SMYD1: variants seen among roughly 807,000 people sequenced by gnomAD.
SMYD1 encodes the protein histone-lysine N-methyltransferase SMYD1.
SMYD1 carries 49 observed loss-of-function variants against 54.0 expected under a neutral mutation model. The ratio of observed to expected loss-of-function variants is 0.91; its 90% CI spans 0.72 to 1.15. The LOEUF (loss-of-function observed/expected upper bound fraction) is 1.15. SMYD1 is among the 50% of genes most tolerant of loss of function. SMYD1 has a pLI of 0.00. For missense variants in SMYD1, 653 were observed against 639.6 expected (o/e 1.02, Z -0.23); for synonymous variants, 269 against 234.2 (o/e 1.15, Z -1.36).
chr2:88,110,464 C>G lies in SMYD1; in HGVS notation c.1425C>G (p.Ala475=), dbSNP rs369414263. Residue 475 remains alanine, a synonymous_variant, in exon 10 of 10, where the codon GCC becomes GCG. Transcript: ENST00000419482. ...ACAACCAGCCCATGCAGGTCATGGC[C>G]GAGCCCAGCAATGAGCCATCCCCAG... ...ALNNQPMQVM[A]EPSNEPSPAL... is the part of the protein sequence containing the mutation. 4 of 1,602,810 alleles carry G rather than the reference C, an allele frequency of 2.5e-6. No individual in the cohort carries two copies. The highest frequency in any genetic ancestry group is 3.4e-6 in the Non-Finnish European group (4 of 1,174,424).
intron 3 of SMYD1, among the ~76,000 whole-genome samples, chr2:88,089,895 G>A (rs952175748): frequency 3.9e-5 from 6 of 152,010 alleles, no homozygotes; most frequent in Non-Finnish European, 7.4e-5. Context: ...CCTGGCCTAA[G>A]CTTTTACTTT....
intron 1 of SMYD1, among the ~76,000 whole-genome samples, chr2:88,078,405 G>T (rs1039231746): frequency 1.3e-5 from 2 of 152,160 alleles, no homozygotes; most frequent in Non-Finnish European, 2.9e-5. Context: ...AGATCTAGGT[G>T]TTGCTATTCC....
intron 9 of SMYD1, 131 bp downstream of exon 9, chr2:88,108,670 G>C: frequency 1.2e-6 from 1 of 858,148 alleles, no homozygotes; most frequent in Non-Finnish European, 1.7e-6. Flanking sequence ...ACTCAGAAAC[G>C]CTTTAGCCCA....
intron 7 of SMYD1, among the ~76,000 whole-genome samples, chr2:88,103,636 C>T (rs368617290): frequency 6.6e-6 from 1 of 152,138 alleles, no homozygotes; most frequent in East Asian, 1.9e-4. Flanking sequence ...TGCTCAGGCC[C>T]CCACTCAGGA....
intron 2 of SMYD1, among the ~76,000 whole-genome samples, chr2:88,085,121 T>A (rs1445391135): frequency 6.6e-6 from 1 of 151,974 alleles, no homozygotes; most frequent in African/African-American, 2.4e-5. Flanking sequence ...AAAATTAGGA[T>A]TTCTGACTTC....
At chr2:88,110,300 C>T (rs1034525740) in intron 9 of SMYD1, 54 bp from the exon 10 acceptor site, 154 of 1,536,326 alleles carry the variant, frequency 1.0e-4, no homozygotes, top group Admixed American at 1.9e-4. Flanking sequence ...TATCAGAGAC[C>T]AGCATGTCCT....
At chr2:88,078,590 T>C (rs1674121374) in intron 1 of SMYD1, among the ~76,000 whole-genome samples, 1 of 139,624 alleles carries the variant, frequency 7.2e-6, no homozygotes, top group Non-Finnish European at 1.6e-5. Flanking sequence ...AGGGACAGGC[T>C]TAAAAAAAAT....
chr2:88,088,677 G>A (rs141608646), intron 3 of SMYD1, among the ~76,000 whole-genome samples: 3 of 152,024 alleles, frequency 2.0e-5, no homozygotes, highest in African/African-American at 7.3e-5. Flanking sequence ...TCCTCTCCAC[G>A]TTGAAAATAA....
chr2:88,077,604 C>G (rs1054456498), intron 1 of SMYD1, among the ~76,000 whole-genome samples: 6 of 152,238 alleles, frequency 3.9e-5, no homozygotes, highest in African/African-American at 1.4e-4. Context: ...GGTCACCCAG[C>G]TAAGACTGCC....
intron 7 of SMYD1, among the ~76,000 whole-genome samples, chr2:88,103,556 A>C (rs896046504): frequency 2.2e-4 from 33 of 152,150 alleles, no homozygotes; most frequent in African/African-American, 7.5e-4. Flanking sequence ...ATGAGCATTC[A>C]ACCTTGGCTC....
At position 88,110,479 on chromosome 2, in the gene SMYD1, GCC is replaced by G; in HGVS notation, c.1441_1442del (p.Pro481IlefsTer44). The G allele has an allele frequency of 6.3e-7, 1 of 1,596,278 alleles. No individual in the cohort carries two copies. Among genetic ancestry groups the G allele is most frequent in the South Asian group, 1.1e-5 (1 of 87,992 alleles). On this transcript the variant is annotated frameshift_variant, in exon 10 of 10. Transcript: ENST00000419482. LOFTEE classifies it high-confidence loss of function. ...AGGTCATGGCCGAGCCCAGCAATGA[GCC>G]ATCCCCAGCTCTGTTCCACAAGAAG... ...MQVMAEPSNE[P>X]SPALFHKKQ
rs1448515840 is a variant in SMYD1, at chr2:88,110,664, A to G, written c.*152A>G. 21 of 1,000,996 alleles carry G rather than the reference A, an allele frequency of 2.1e-5. No individual in the cohort carries two copies. The highest frequency in any genetic ancestry group is 2.9e-5 in the Non-Finnish European group (21 of 716,316). The allele number at this position is 1,000,996 out of a possible 1,614,324, so 62.0% of individuals were successfully genotyped here. ...TTACTGCCCTATGTTTCCCAGAGCC[A>G]TTTTGGCTCAATTCAAGTCTATTCA... On this transcript the variant is annotated 3_prime_UTR_variant, in exon 10 of 10. Transcript: ENST00000419482.
At chr2:88,103,388 G>A (rs1674772658) in intron 7 of SMYD1, among the ~76,000 whole-genome samples, 2 of 152,252 alleles carry the variant, frequency 1.3e-5, no homozygotes, top group South Asian at 2.1e-4. Flanking sequence ...TCTGAGGGGA[G>A]CAAATGCAGC....
chr2:88,068,125 T>G, intron 1 of SMYD1, 124 bp downstream of exon 1: 1 of 1,335,268 alleles, frequency 7.5e-7, no homozygotes, highest in Non-Finnish European at 1.0e-6. Context: ...TTCAACAAAA[T>G]GGCACTTCTG....
rs1350327935 is a variant in SMYD1, at chr2:88,096,798, T to C, written c.888+14T>C. The C allele has an allele frequency of 6.2e-7, 1 of 1,608,004 alleles. No homozygotes were observed. The highest frequency in any genetic ancestry group is 1.1e-5 in the South Asian group (1 of 90,062). On this transcript the variant is annotated intron_variant, in intron 6 of 9. Transcript: ENST00000419482. ...GACAACCCCAAGGTACACACAGCCC[T>C]GCTGCTGAGGTGTTTGTGTCTGTCT...
In SMYD1 at chr2:88,112,306, T is replaced by C. The variant is rs896776306; in HGVS notation, c.*1794T>C. The C allele has an allele frequency of 1.6e-6, 1 of 608,960 alleles. No homozygotes were observed. Among genetic ancestry groups the C allele is most frequent in the Non-Finnish European group, 2.9e-6 (1 of 341,370 alleles). The allele number at this position is 608,960 out of a possible 1,614,324, so 37.7% of individuals were successfully genotyped here. On this transcript the variant is annotated 3_prime_UTR_variant, in exon 10 of 10. Transcript: ENST00000419482. The stretch of plus-strand genomic sequence containing the variant: ...ATTTCCCCATATTCGTAGTCTTTTT[T>C]TCCATCCTATCTTTCTAATATTTGT...
chr2:88,111,816 C>A lies in SMYD1; in HGVS notation c.*1304C>A. 1 of 398,734 alleles carries A rather than the reference C, an allele frequency of 2.5e-6. No homozygotes were observed. Among genetic ancestry groups the A allele is most frequent in the Non-Finnish European group, 4.6e-6 (1 of 219,354 alleles). The allele number at this position is 398,734 out of a possible 1,614,324, so 24.7% of individuals were successfully genotyped here. ...TTTCTCACCAATGTTTTGGGAGATC[C>A]TGGAAAAGATCCCTTCAGTTTGGGG... On this transcript the variant is annotated 3_prime_UTR_variant, in exon 10 of 10. Coordinates refer to ENST00000419482, the MANE Select transcript of SMYD1 (RefSeq NM_198274.4).
intron 1 of SMYD1, among the ~76,000 whole-genome samples, chr2:88,082,810 AG>A (rs1674229351): frequency 6.6e-6 from 1 of 152,202 alleles, no homozygotes; most frequent in Admixed American, 6.5e-5. Flanking sequence ...TGACCTGACC[AG>A]GCTTGTTCCA....
intron 1 of SMYD1, 117 bp downstream of exon 1, chr2:88,068,118 A>G (rs1440505410): frequency 2.9e-6 from 4 of 1,371,732 alleles, no homozygotes; most frequent in Non-Finnish European, 3.9e-6. Context: ...CTCTTTTTTC[A>G]ACAAAATGGC....
Sources: gnomAD v4.1 joint callset for allele counts (sites outside exome capture counted in the v4.1 genomes callset) on GRCh38, gnomAD v4.1.1 for gene constraint, MANE v1.5 for transcripts, NCBI Gene and HGNC (gene_info 2026-07-23, HGNC 2026-07-21) for gene names.